Variants in SCHIP1 observed in about 807,000 individuals in gnomAD.
SCHIP1 encodes schwannomin interacting protein 1.
Under a neutral mutation model 29.7 loss-of-function variants are expected in SCHIP1, and 8 were observed. The observed-to-expected ratio is 0.27, with a 90% confidence interval of 0.16 to 0.49. The LOEUF is 0.49. SCHIP1 is among the 20% of genes least tolerant of loss of function. SCHIP1 has a pLI of 0.99. For synonymous variants in SCHIP1, 76 were observed against 94.9 expected, an observed-to-expected ratio of 0.80 and a Z score of 1.16; for missense variants, 193 against 294.6, an observed-to-expected ratio of 0.66 and a Z score of 2.52.
the SCHIP1 span, among the ~76,000 whole-genome samples, chr3:159,531,492 T>G: frequency 6.6e-6 from 1 of 152,224 alleles, no homozygotes; most frequent in African/African-American, 2.4e-5. Flanking sequence ...GTTTTCTTCA[T>G]GAAACTTAGT....
the SCHIP1 span, among the ~76,000 whole-genome samples, chr3:159,322,587 C>A: frequency 6.6e-6 from 1 of 152,140 alleles, no homozygotes; most frequent in Admixed American, 6.5e-5. Flanking sequence ...TAAGATCTGG[C>A]CTGTCCCCAG....
At chr3:159,521,470 T>A in the SCHIP1 span, among the ~76,000 whole-genome samples, 1 of 152,236 alleles carries the variant, frequency 6.6e-6, no homozygotes, top group East Asian at 1.9e-4. Flanking sequence ...CTGGAAACAC[T>A]ATGCACGAAA....
chr3:159,876,382 ACTTACTAATGG>A (rs1715812687), intron 2 of SCHIP1, among the ~76,000 whole-genome samples: 1 of 152,214 alleles, frequency 6.6e-6, no homozygotes, highest in Admixed American at 6.5e-5. Context: ...GCTTACTAGC[ACTTACTAATGG>A]CTTCACTTGT....
chr3:159,333,182 C>T, the SCHIP1 span, among the ~76,000 whole-genome samples: 1 of 152,114 alleles, frequency 6.6e-6, no homozygotes, highest in Non-Finnish European at 1.5e-5. Flanking sequence ...TGCCAATTTA[C>T]TTATATAAAA....
intron 2 of SCHIP1, among the ~76,000 whole-genome samples, chr3:159,867,243 T>G (rs1358441285): frequency 6.6e-6 from 1 of 152,182 alleles, no homozygotes; most frequent in Non-Finnish European, 1.5e-5. Flanking sequence ...GCAAATATAC[T>G]CTGTTAAAAT....
At chr3:159,610,738 A>C in the SCHIP1 span, among the ~76,000 whole-genome samples, 1 of 152,090 alleles carries the variant, frequency 6.6e-6, no homozygotes, top group Non-Finnish European at 1.5e-5. Flanking sequence ...GAATGGTATT[A>C]AAAAATCTCT....
At chr3:159,283,313 C>T in the SCHIP1 span, among the ~76,000 whole-genome samples, 1 of 152,092 alleles carries the variant, frequency 6.6e-6, no homozygotes, top group Non-Finnish European at 1.5e-5. Flanking sequence ...CCACCATGCC[C>T]GGCTAATTTT....
At chr3:159,303,440 GAGAGAGAGAA>G in the SCHIP1 span, among the ~76,000 whole-genome samples, 1 of 74,706 alleles carries the variant, frequency 1.3e-5, no homozygotes, top group Non-Finnish European at 3.4e-5. Context: ...TGAATGTAAA[GAGAGAGAGAA>G]AGAGAGAGAG....
the SCHIP1 span, among the ~76,000 whole-genome samples, chr3:159,617,973 A>G: frequency 2.0e-5 from 3 of 152,126 alleles, no homozygotes; most frequent in Non-Finnish European, 2.9e-5. Flanking sequence ...GGAGAAAATA[A>G]CTCATAATTT....
the SCHIP1 span, among the ~76,000 whole-genome samples, chr3:159,460,989 C>A: frequency 6.6e-6 from 1 of 152,098 alleles, no homozygotes; most frequent in South Asian, 2.1e-4. Context: ...GGACCTTTCA[C>A]AACTTGACCT....
chr3:159,814,267 A>G, the SCHIP1 span, among the ~76,000 whole-genome samples: 1 of 152,188 alleles, frequency 6.6e-6, no homozygotes, highest in Non-Finnish European at 1.5e-5. Flanking sequence ...ATCCTCCTGG[A>G]TCAGTCAGGC....
chr3:159,406,309 G>A, the SCHIP1 span, among the ~76,000 whole-genome samples: 1 of 152,166 alleles, frequency 6.6e-6, no homozygotes, highest in African/African-American at 2.4e-5. Flanking sequence ...AGGAGAAGGT[G>A]GCATGACATA....
At chr3:159,315,595 T>C in the SCHIP1 span, among the ~76,000 whole-genome samples, 1 of 152,040 alleles carries the variant, frequency 6.6e-6, no homozygotes, top group Non-Finnish European at 1.5e-5. Flanking sequence ...GTAATGTCTA[T>C]ATACTTTATC....
At chr3:159,454,592 G>T in the SCHIP1 span, among the ~76,000 whole-genome samples, 1 of 152,268 alleles carries the variant, frequency 6.6e-6, no homozygotes, top group Non-Finnish European at 1.5e-5. Context: ...CATGGTCAAA[G>T]AAAATGAACA....
chr3:159,592,334 T>C, the SCHIP1 span, among the ~76,000 whole-genome samples: 1 of 152,148 alleles, frequency 6.6e-6, no homozygotes, highest in East Asian at 1.9e-4. Context: ...TTTGCCACAA[T>C]TTTTCCCCAC....
the SCHIP1 span, among the ~76,000 whole-genome samples, chr3:159,780,056 G>C: frequency 1.3e-5 from 2 of 152,064 alleles, no homozygotes; most frequent in Non-Finnish European, 2.9e-5. Flanking sequence ...TACCTCTTCC[G>C]CGTCATGTGT....
chr3:159,516,080 T>C, the SCHIP1 span, among the ~76,000 whole-genome samples: 3 of 152,098 alleles, frequency 2.0e-5, no homozygotes, highest in Non-Finnish European at 4.4e-5. Context: ...ACTCCTCTTC[T>C]CCTTCTTCCT....
chr3:159,675,535 G>A, the SCHIP1 span, among the ~76,000 whole-genome samples: 1 of 152,194 alleles, frequency 6.6e-6, no homozygotes, highest in Admixed American at 6.5e-5. Flanking sequence ...TTTGGAGATG[G>A]TTCCACGAAA....
At chr3:159,400,290 A>G in the SCHIP1 span, among the ~76,000 whole-genome samples, 2 of 152,238 alleles carry the variant, frequency 1.3e-5, no homozygotes, top group African/African-American at 4.8e-5. Flanking sequence ...GGGGACATCA[A>G]AGTGGTAGGG....
Sources: gnomAD v4.1 joint callset for allele counts (sites outside exome capture counted in the v4.1 genomes callset) on GRCh38, gnomAD v4.1.1 for gene constraint, MANE v1.5 for transcripts, NCBI Gene and HGNC (gene_info 2026-07-23, HGNC 2026-07-21) for gene names.